RRBP1: variants seen among roughly 807,000 people sequenced by gnomAD.
The protein encoded by RRBP1 is ribosome binding protein 1.
A neutral mutation model predicts 165.2 loss-of-function variants in RRBP1; 94 were observed. The observed-to-expected ratio is 0.57, with a 90% CI of 0.48 to 0.68. RRBP1 has a LOEUF of 0.68. Ranked by LOEUF, RRBP1 falls within the 30% of genes least tolerant of loss-of-function variation. The pLI is 0.00. For missense variants in RRBP1, 1,676 were observed against 1,763.0 expected (o/e 0.95, Z 0.88); for synonymous variants, 680 against 714.5 (o/e 0.95, Z 0.77).
Position 17,660,200 on chromosome 20 carries a change from GGA to G in RRBP1, c.306_307del (p.Pro103CysfsTer110). The stretch of plus-strand genomic sequence containing the variant: ...TGGGGTTGGAGCCACAGCCACAGCA[GGA>G]GCCCGCACTGGTTCTCGAAGGAGGA... On this transcript the variant is annotated frameshift_variant, in exon 3 of 25. Transcript: ENST00000377813. LOFTEE classifies it high-confidence loss of function. The G allele has an allele frequency of 6.2e-7, 1 of 1,614,064 alleles. No individual in the cohort carries two copies. Among genetic ancestry groups the G allele is most frequent in the South Asian group, 1.1e-5 (1 of 91,048 alleles).
At chr20:17,619,344 T>A in intron 19 of RRBP1, 1 of 346,712 alleles carries the variant, frequency 2.9e-6, no homozygotes, top group Non-Finnish European at 5.2e-6. Context: ...AGGCAGAGAA[T>A]CCCCTTGCGG....
At chr20:17,618,024 GCA>G (rs2035834589) in intron 20 of RRBP1, among the ~76,000 whole-genome samples, 1 of 152,034 alleles carries the variant, frequency 6.6e-6, no homozygotes, top group Non-Finnish European at 1.5e-5. Flanking sequence ...GAGGCCACCT[GCA>G]CAGGCAGAGC....
chr20:17,615,505 G>C lies in RRBP1; in HGVS notation c.3976C>G (p.Gln1326Glu), dbSNP rs1490607821. Residue 1326 changes from glutamine to glutamate, a missense_variant, in exon 23 of 25, where the codon CAA becomes GAA. Physicochemically the swap from Gln to Glu is conservative, Grantham distance 29 (BLOSUM62 2). Transcript: ENST00000377813. ...GTGCGGAGCTTCTCCAATTCTTCTTGTAACCGACATGCCGAGGTCTGAGCC... is the reference window on the plus strand; with the variant it reads ...GTGCGGAGCTTCTCCAATTCTTCTTCTAACCGACATGCCGAGGTCTGAGCC... ...EEAQTSACRL[Q>E]EELEKLRTAG... is the part of the protein sequence containing the mutation. The C allele has an allele frequency of 6.2e-7, 1 of 1,607,140 alleles. No individual in the cohort carries two copies. Among genetic ancestry groups the C allele is most frequent in the East Asian group, 2.2e-5 (1 of 44,502 alleles).
intron 2 of RRBP1, among the ~76,000 whole-genome samples, chr20:17,677,591 G>A (rs1370252729): frequency 6.6e-6 from 1 of 152,182 alleles, no homozygotes. Context: ...TATAATCCTA[G>A]CACTTTGGGA....
rs1266597259 is a variant in RRBP1 at position 17,618,634 on chromosome 20, T to G, written c.3721A>C (p.Lys1241Gln). ...TCGCTCTGTTTCTGGGCTTCGCTCT[T>G]GGCGGCATCGAGCTGAGATTGAGAT... ...LESQSQLDAA[K>Q]SEAQKQSDEL... Residue 1241 changes from lysine to glutamine, a missense_variant, in exon 20 of 25, where the codon AAG becomes CAG. Transcript: ENST00000377813. The G allele has an allele frequency of 1.2e-6, 2 of 1,614,030 alleles. No individual in the cohort carries two copies. The highest frequency in any genetic ancestry group is 1.7e-6 in the Non-Finnish European group (2 of 1,180,038).
Position 17,621,443 on chromosome 20 carries a change from G to A in RRBP1, c.3414+15C>T. On this transcript the variant is annotated intron_variant, in intron 16 of 24. Coordinates refer to ENST00000377813, the MANE Select transcript of RRBP1 (RefSeq NM_001365613.2). ...CCTCCCAGGGATGCCCAGCTGACAG[G>A]TTCCCAATGCTCACCGTCTCCGCCA... 2.5e-6 allele frequency: 4 copies of A among 1,603,094 alleles called. No individual in the cohort carries two copies. Among genetic ancestry groups the A allele is most frequent in the Non-Finnish European group, 3.4e-6 (4 of 1,173,348 alleles).
In RRBP1 at chr20:17,658,880, G is replaced by A. The variant is rs758452508; in HGVS notation, c.1628C>T (p.Ala543Val). The A allele has an allele frequency of 3.4e-5, 55 of 1,613,532 alleles. No individual in the cohort carries two copies. The highest frequency in any genetic ancestry group is 3.1e-4 in the South Asian group (28 of 91,092). ...SPNQGKKGEG[A>V]PIQGKKADSV... The stretch of plus-strand genomic sequence containing the variant: ...ATCTGCCTTTTTGCCCTGGATGGGA[G>A]CTCCCTCTCCTTTTTTGCCTTGGTT... Residue 543 changes from alanine to valine, a missense_variant, in exon 3 of 25, where the codon GCT becomes GTT. By Grantham distance (64) the Ala-to-Val change is moderately conservative. This residue lies in a region of RRBP1 where 1,184 missense variants were observed against 1,167.1 expected (regional missense o/e 1.01). Transcript: ENST00000377813.
In RRBP1 at chr20:17,629,971, G is replaced by C; in HGVS notation, c.2611-10C>G. ...TCTCCCTGTGGGACGCCTGGGGACG[G>C]GCAGGGGAGTGGGGCAGTGAAGACG... On this transcript the variant is annotated splice_polypyrimidine_tract_variant and intron_variant, in intron 8 of 24. Transcript: ENST00000377813. The C allele has an allele frequency of 1.3e-6, 2 of 1,592,228 alleles. No individual in the cohort carries two copies. Among genetic ancestry groups the C allele is most frequent in the Non-Finnish European group, 1.7e-6 (2 of 1,174,250 alleles).
At chr20:17,675,264 T>C (rs568078830) in intron 2 of RRBP1, among the ~76,000 whole-genome samples, 1 of 152,380 alleles carries the variant, frequency 6.6e-6, no homozygotes, top group African/African-American at 2.4e-5. Context: ...CTCTGGAATA[T>C]GTTTTTGTGT....
chr20:17,671,865 C>T (rs1406178488), intron 2 of RRBP1, among the ~76,000 whole-genome samples: 1 of 152,176 alleles, frequency 6.6e-6, no homozygotes, highest in African/African-American at 2.4e-5. Context: ...CTTGTCCAGG[C>T]CATCCAGCAA....
chr20:17,652,976 C>CG (rs772876931), intron 3 of RRBP1, among the ~76,000 whole-genome samples: 34 of 152,338 alleles, frequency 2.2e-4, no homozygotes, highest in Non-Finnish European at 4.6e-4. Context: ...CTCATACCCT[C>CG]GGGCACCACA....
At chr20:17,619,181 A>C (rs2035860470) in intron 19 of RRBP1, 2 of 175,904 alleles carry the variant, frequency 1.1e-5, no homozygotes, top group Admixed American at 1.1e-4. Context: ...AGCCTTTCAA[A>C]GTGCTGGGAT....
At chr20:17,639,241 T>G (rs902018319) in intron 5 of RRBP1, among the ~76,000 whole-genome samples, 1 of 152,172 alleles carries the variant, frequency 6.6e-6, no homozygotes, top group African/African-American at 2.4e-5. Flanking sequence ...TCTGAGCCCA[T>G]CAACTCCTGC....
intron 2 of RRBP1, among the ~76,000 whole-genome samples, chr20:17,669,067 G>GA (rs2036925325): frequency 6.6e-6 from 1 of 151,934 alleles, no homozygotes; most frequent in African/African-American, 2.4e-5. Flanking sequence ...CAAAGAGTCC[G>GA]AAAAAATTTA....
chr20:17,629,077 C>T (rs977163225), intron 9 of RRBP1, among the ~76,000 whole-genome samples: 3 of 152,272 alleles, frequency 2.0e-5, no homozygotes, highest in Non-Finnish European at 4.4e-5. Flanking sequence ...ATTCACCATC[C>T]ATCCCTCACA....
At position 17,635,434 on chromosome 20, in the gene RRBP1, C is replaced by T; in HGVS notation, c.2456+112G>A. ...TGGAAGGTCAGGACGGCTCCGCACA[C>T]ATGTAGGGCCCATGCCTGGCTCTTG... On this transcript the variant is annotated intron_variant, in intron 7 of 24. Transcript: ENST00000377813. 3.9e-6 allele frequency: 3 copies of T among 778,266 alleles called. No homozygotes were observed. The Admixed American group carries it at 7.0e-5, about 18-fold the overall frequency. 48.2% of individuals were successfully genotyped at this position (778,266 alleles called of 1,614,324 possible). A position where few individuals can be genotyped will look rare whatever the true frequency, so the allele number is the denominator to read the frequency against.
chr20:17,676,449 T>C (rs1017117520), intron 2 of RRBP1, among the ~76,000 whole-genome samples: 2 of 152,098 alleles, frequency 1.3e-5, no homozygotes, highest in Admixed American at 1.3e-4. Flanking sequence ...AGAAGTCATG[T>C]CCAAAGTCAC....
chr20:17,641,715 G>A lies in RRBP1; in HGVS notation c.2184+82C>T, dbSNP rs2036362363. On this transcript the variant is annotated intron_variant, in intron 5 of 24. Coordinates refer to ENST00000377813, the MANE Select transcript of RRBP1 (RefSeq NM_001365613.2). ...TCCAGGCAGGCCCCAGCATCTCGGA[G>A]CCCGGGATCCACCGTGGATGGGGCG... The A allele has an allele frequency of 2.6e-6, 4 of 1,539,262 alleles. No individual in the cohort carries two copies. In the South Asian group the frequency reaches 3.3e-5, roughly 13 times the overall value.
intron 11 of RRBP1, among the ~76,000 whole-genome samples, 200 bp from the exon 12 acceptor site, chr20:17,625,802 C>T (rs567791708): frequency 7.9e-5 from 12 of 152,154 alleles, no homozygotes; most frequent in Non-Finnish European, 1.2e-4. Flanking sequence ...CCCCTCCCCC[C>T]GCCATCCAGA....
Sources: allele counts gnomAD v4.1 joint callset (sites outside exome capture counted in the v4.1 genomes callset), GRCh38; gene constraint gnomAD v4.1.1; regional missense constraint gnomAD v4.1.1; transcripts MANE v1.5; gene names NCBI Gene and HGNC (gene_info 2026-07-23, HGNC 2026-07-21).